The following GRM7 variants were observed in gnomAD, a reference collection of about 807,000 sequenced individuals.
The protein encoded by GRM7 is glutamate metabotropic receptor 7.
A neutral mutation model predicts 84.5 loss-of-function variants in GRM7; 35 were observed. The ratio of observed to expected loss-of-function variants is 0.41; its 90% CI spans 0.32 to 0.55. The LOEUF (loss-of-function observed/expected upper bound fraction) is 0.55. GRM7 is among the 20% of genes least tolerant of loss of function. The pLI is 0.19. For synonymous variants in GRM7, 487 were observed against 455.1 expected (o/e 1.07, Z -0.89); for missense variants, 1,003 against 1,194.6 (o/e 0.84, Z 2.36).
intron 8 of GRM7, among the ~76,000 whole-genome samples, chr3:7,629,922 T>A (rs1697791751): frequency 2.6e-5 from 4 of 152,178 alleles, no homozygotes; most frequent in African/African-American, 9.6e-5. Context: ...GTAGGGAAAA[T>A]TAAAATTTTT....
At chr3:6,910,726 A>C (rs908980933) in intron 1 of GRM7, among the ~76,000 whole-genome samples, 1 of 152,140 alleles carries the variant, frequency 6.6e-6, no homozygotes, top group Admixed American at 6.6e-5. Context: ...CCTCTTAACA[A>C]ACAAAGGATT....
At chr3:7,565,379 A>T (rs1694213117) in intron 7 of GRM7, among the ~76,000 whole-genome samples, 1 of 152,186 alleles carries the variant, frequency 6.6e-6, no homozygotes, top group South Asian at 2.1e-4. Flanking sequence ...AAATAAATAG[A>T]CTTTAATCGA....
At chr3:6,885,720 C>T (rs140055586) in intron 1 of GRM7, among the ~76,000 whole-genome samples, 23 of 152,318 alleles carry the variant, frequency 1.5e-4, no homozygotes, top group African/African-American at 5.1e-4. Context: ...ATTGAGAGAC[C>T]TCATTTCCTT....
At chr3:6,912,563 C>T (rs545953352) in intron 1 of GRM7, among the ~76,000 whole-genome samples, 16 of 152,212 alleles carry the variant, frequency 1.1e-4, no homozygotes, top group East Asian at 7.7e-4. Flanking sequence ...ACAGAATGTT[C>T]GATGCCATAC....
chr3:6,883,273 A>G (rs151153900), intron 1 of GRM7, among the ~76,000 whole-genome samples: 349 of 151,892 alleles, frequency 2.3e-3, no homozygotes, highest in African/African-American at 8.1e-3. Flanking sequence ...TTTATATATT[A>G]TAATGTTTAT....
At chr3:7,116,195 T>G (rs947694543) in intron 1 of GRM7, among the ~76,000 whole-genome samples, 1 of 151,952 alleles carries the variant, frequency 6.6e-6, no homozygotes, top group African/African-American at 2.4e-5. Context: ...CCTTTGAGAG[T>G]TGGTAGTTAT....
At chr3:7,594,729 C>T (rs1275764575) in intron 8 of GRM7, among the ~76,000 whole-genome samples, 1 of 152,102 alleles carries the variant, frequency 6.6e-6, no homozygotes, top group Non-Finnish European at 1.5e-5. Context: ...AGATTCCAGA[C>T]ACATCCTGAC....
At chr3:7,462,424 C>T (rs1698286184) in intron 7 of GRM7, among the ~76,000 whole-genome samples, 1 of 152,170 alleles carries the variant, frequency 6.6e-6, no homozygotes, top group Non-Finnish European at 1.5e-5. Flanking sequence ...CACAGACACA[C>T]CTAGAATATT....
intron 8 of GRM7, among the ~76,000 whole-genome samples, chr3:7,613,239 G>A (rs1696927262): frequency 6.6e-6 from 1 of 152,152 alleles, no homozygotes; most frequent in South Asian, 2.1e-4. Context: ...TATAAATAGT[G>A]AAAGTGTTTG....
intron 2 of GRM7, among the ~76,000 whole-genome samples, chr3:7,226,821 G>A (rs1696998018): frequency 6.6e-6 from 1 of 151,996 alleles, no homozygotes; most frequent in South Asian, 2.1e-4. Flanking sequence ...CGGCTCCTGG[G>A]GAATTTGCAT....
chr3:7,352,988 G>C (rs190381760), intron 4 of GRM7, among the ~76,000 whole-genome samples: 7 of 152,096 alleles, frequency 4.6e-5, no homozygotes, highest in Non-Finnish European at 1.0e-4. Context: ...ATAAGGACTT[G>C]TGTCTGATTT....
intron 1 of GRM7, among the ~76,000 whole-genome samples, chr3:6,884,851 GC>G (rs1046534004): frequency 2.8e-4 from 43 of 152,168 alleles, no homozygotes; most frequent in African/African-American, 5.5e-4. Flanking sequence ...ACCCACCTCG[GC>G]CTCCCAAAGT....
At chr3:7,240,167 G>C (rs1368269330) in intron 2 of GRM7, among the ~76,000 whole-genome samples, 2 of 65,202 alleles carry the variant, frequency 3.1e-5, no homozygotes, top group Non-Finnish European at 2.9e-5. Flanking sequence ...TTTCATTCTG[G>C]TTTGGCAATC....
In GRM7 at chr3:7,672,644, A is replaced by G. The variant is rs1017628914; in HGVS notation, c.2452-7405A>G. On this transcript the variant is annotated intron_variant, in intron 8 of 9. Coordinates refer to ENST00000357716, the MANE Select transcript of GRM7 (RefSeq NM_000844.4). Reference sequence around the variant, plus strand: ...TTTTGAGACGGAGTCTCGCTCTGTCACCCAGGCTGGAGTGCAGTGGTGCAA... The same window carrying G: ...TTTTGAGACGGAGTCTCGCTCTGTCGCCCAGGCTGGAGTGCAGTGGTGCAA... Among the ~76,000 whole-genome samples, 6 of 135,288 alleles carry G rather than the reference A, an allele frequency of 4.4e-5. 1 individual carries two copies. In the South Asian group the frequency reaches 1.4e-3, roughly 31 times the overall value. The allele number at this position is 135,288 out of a possible 152,430, so 88.8% of individuals were successfully genotyped here.
chr3:7,170,653 G>A (rs560292406), intron 2 of GRM7, among the ~76,000 whole-genome samples: 1 of 152,170 alleles, frequency 6.6e-6, no homozygotes, highest in Non-Finnish European at 1.5e-5. Context: ...CTCACACATA[G>A]AGAGATTATT....
At chr3:7,154,448 T>G (rs889263903) in intron 2 of GRM7, among the ~76,000 whole-genome samples, 16 of 152,202 alleles carry the variant, frequency 1.1e-4, no homozygotes, top group African/African-American at 3.9e-4. Context: ...CAGCGATTCC[T>G]CCTCATCTCT....
chr3:7,129,869 C>T (rs770607627), intron 1 of GRM7, among the ~76,000 whole-genome samples: 4 of 151,974 alleles, frequency 2.6e-5, no homozygotes, highest in East Asian at 1.9e-4. Flanking sequence ...GCAAGCAAAC[C>T]GGTAAATAAT....
intron 1 of GRM7, among the ~76,000 whole-genome samples, chr3:6,914,510 C>T (rs1482675238): frequency 6.6e-6 from 1 of 152,018 alleles, no homozygotes; most frequent in Non-Finnish European, 1.5e-5. Context: ...TCAAGTGATT[C>T]TCCTGCCTCA....
At chr3:6,864,963 C>T (rs1694890613) in intron 1 of GRM7, among the ~76,000 whole-genome samples, 1 of 152,206 alleles carries the variant, frequency 6.6e-6, no homozygotes, top group Admixed American at 6.5e-5. Context: ...TCTTTCTCTC[C>T]TCTCTTTACA....
Sources: gnomAD v4.1 joint callset for allele counts (sites outside exome capture counted in the v4.1 genomes callset) on GRCh38, gnomAD v4.1.1 for gene constraint, MANE v1.5 for transcripts, NCBI Gene and HGNC (gene_info 2026-07-23, HGNC 2026-07-21) for gene names.